Variants in CHAT observed in about 807,000 individuals in gnomAD.
CHAT encodes acetyl CoA:choline O-acetyltransferase.
CHAT carries 61 observed loss-of-function variants against 76.9 expected under a neutral mutation model. The ratio of observed to expected loss-of-function variants is 0.79; its 90% confidence interval spans 0.65 to 0.98. The LOEUF (loss-of-function observed/expected upper bound fraction) is 0.98, where lower values mean the gene tolerates loss of function less well. Ranked by LOEUF, CHAT falls within the 50% of genes least tolerant of loss-of-function variation. CHAT has a pLI of 0.00. For synonymous variants in CHAT, 407 were observed against 397.4 expected, an observed-to-expected ratio of 1.02 and a Z score of -0.29; for missense variants, 946 against 986.9, an observed-to-expected ratio of 0.96 and a Z score of 0.56.
chr10:49,664,951 A>T lies in CHAT; in HGVS notation c.2152A>T (p.Met718Leu). The T allele has an allele frequency of 4.3e-6, 7 of 1,614,244 alleles. No homozygotes were observed. The South Asian group carries it at 7.7e-5, about 18-fold the overall frequency. The stretch of plus-strand genomic sequence containing the variant: ...AGCTGTGGAAGAAAGCCTCATTGAC[A>T]TGAGAGACCTCTGCAGTCTGCTGCC... ...AKAVEESLID[M>L]RDLCSLLPPT... The change falls in exon 15 of 15, where the codon ATG becomes TTG. Residue 718 changes from methionine (M) to leucine (L), a missense_variant. By Grantham distance (15) the Met-to-Leu change is conservative. Coordinates refer to ENST00000337653, the MANE Select transcript of CHAT (RefSeq NM_020549.5).
chr10:49,640,036 T>C (rs1195527705), intron 7 of CHAT, among the ~76,000 whole-genome samples: 1 of 152,144 alleles, frequency 6.6e-6, no homozygotes, highest in African/African-American at 2.4e-5. Flanking sequence ...TTGGTTCTTC[T>C]TATATATTTT....
chr10:49,656,883 A>C (rs1165063780), intron 13 of CHAT, among the ~76,000 whole-genome samples: 1 of 150,834 alleles, frequency 6.6e-6, no homozygotes. Flanking sequence ...GAAGTCGTAA[A>C]CTCCTCCTCT....
At chr10:49,640,716 G>A (rs1454848881) in intron 7 of CHAT, among the ~76,000 whole-genome samples, 3 of 152,168 alleles carry the variant, frequency 2.0e-5, no homozygotes. Context: ...AGGGTGCTGG[G>A]GGAGGGAGGG....
intron 7 of CHAT, among the ~76,000 whole-genome samples, chr10:49,642,613 C>G (rs573554431): frequency 2.4e-4 from 36 of 152,388 alleles, no homozygotes; most frequent in African/African-American, 8.7e-4. Flanking sequence ...CCTCCACTCT[C>G]CTGCCTCGAG....
At chr10:49,656,617 T>C (rs1338953242) in intron 13 of CHAT, among the ~76,000 whole-genome samples, 1 of 152,184 alleles carries the variant, frequency 6.6e-6, no homozygotes, top group Non-Finnish European at 1.5e-5. Context: ...GGGCACCACG[T>C]GCAAAGACTG....
At chr10:49,635,989 T>G (rs1193692343) in intron 7 of CHAT, among the ~76,000 whole-genome samples, 1 of 152,174 alleles carries the variant, frequency 6.6e-6, no homozygotes, top group Non-Finnish European at 1.5e-5. Flanking sequence ...AAATGATCCC[T>G]ACTTTTATGA....
At chr10:49,628,398 G>T (rs1196546841) in intron 7 of CHAT, among the ~76,000 whole-genome samples, 1 of 152,238 alleles carries the variant, frequency 6.6e-6, no homozygotes, top group Non-Finnish European at 1.5e-5. Context: ...CCTTGCCCAT[G>T]TTAGAGACAC....
chr10:49,627,851 TCTAGGGTTGGG>T (rs1838980984), intron 7 of CHAT, 66 bp downstream of exon 7: 1 of 1,551,988 alleles, frequency 6.4e-7, no homozygotes, highest in African/African-American at 1.4e-5. Context: ...CTTTCCCTCC[TCTAGGGTTGGG>T]CCAGGGCCTC....
At chr10:49,661,316 C>G (rs1028235776) in intron 13 of CHAT, 1 of 152,102 alleles carries the variant, frequency 6.6e-6, no homozygotes, top group African/African-American at 2.4e-5. Flanking sequence ...CTTCTATGGA[C>G]CAACACAAAT....
In CHAT at chr10:49,652,139, T is replaced by C. The variant is rs960701892; in HGVS notation, c.1634+133T>C. The C allele has an allele frequency of 1.5e-5, 19 of 1,233,250 alleles. No homozygotes were observed. The African/African-American group carries it at 2.4e-4, about 15-fold the overall frequency. The allele number at this position is 1,233,250 out of a possible 1,614,324, so 76.4% of individuals were successfully genotyped here. On this transcript the variant is annotated intron_variant, in intron 11 of 14. Transcript: ENST00000337653. The stretch of plus-strand genomic sequence containing the variant: ...TGGAAGACTGGAGAGGGACTGAGGC[T>C]GCATGAAGGAGGAGCAGACTGAACT...
In CHAT at chr10:49,651,989, C is replaced by G. The variant is rs776084200; in HGVS notation, c.1617C>G (p.Leu539=). 1 of 1,614,232 alleles carries G rather than the reference C, an allele frequency of 6.2e-7. No homozygotes were observed. The highest frequency in any genetic ancestry group is 8.5e-7 in the Non-Finnish European group (1 of 1,180,054). ...CTGATGCCTTCATCCAGGTGGCCCT[C>G]CAGCTGGCCTTCTACAGGTGAGTGA... ...CSPDAFIQVA[L]QLAFYRLHRR... is the part of the protein sequence containing the mutation. Residue 539 remains leucine (L), a synonymous_variant, in exon 11 of 15, where the codon CTC becomes CTG. Coordinates refer to ENST00000337653, the MANE Select transcript of CHAT (RefSeq NM_020549.5).
chr10:49,650,300 T>C (rs10776586), intron 10 of CHAT, among the ~76,000 whole-genome samples: 57,760 of 152,106 alleles, frequency 0.38, 11,834 homozygotes, highest in Non-Finnish European at 0.47. Flanking sequence ...CCATGGGACC[T>C]GCACTCCATA....
chr10:49,652,698 C>T (rs4838546), intron 11 of CHAT, among the ~76,000 whole-genome samples: 57,516 of 152,104 alleles, frequency 0.38, 11,821 homozygotes, highest in South Asian at 0.48. Flanking sequence ...AACTTCCCAG[C>T]GCCTTCACAC....
intron 11 of CHAT, among the ~76,000 whole-genome samples, chr10:49,652,476 C>T (rs919757657): frequency 1.3e-5 from 2 of 152,252 alleles, no homozygotes; most frequent in Admixed American, 1.3e-4. Flanking sequence ...CTCGTATCCC[C>T]GCACACTGCC....
chr10:49,633,903 G>A (rs192736052), intron 7 of CHAT, among the ~76,000 whole-genome samples: 143 of 152,288 alleles, frequency 9.4e-4, no homozygotes, highest in Non-Finnish European at 3.4e-4. Flanking sequence ...GACAGAAGGC[G>A]GCTACAGCTG....
At chr10:49,614,890 T>C (rs1480882337) in intron 1 of CHAT, among the ~76,000 whole-genome samples, 1 of 152,188 alleles carries the variant, frequency 6.6e-6, no homozygotes, top group Non-Finnish European at 1.5e-5. Flanking sequence ...AGCCAGGACA[T>C]AGCCGATGAC....
Position 49,643,712 on chromosome 10 carries a change from C to G in CHAT, c.1112-2793C>G, listed in dbSNP as rs184994284. ...GGTTTTGCCCTTCATAAGGACATGG[C>G]CTTTCCCCTTCCCATTAGCCAGCTG... On this transcript the variant is annotated intron_variant, in intron 7 of 14. Coordinates refer to ENST00000337653, the MANE Select transcript of CHAT (RefSeq NM_020549.5). Among the ~76,000 whole-genome samples the G allele has an allele frequency of 2.0e-4, 30 of 152,360 alleles. No homozygotes were observed. The East Asian group carries it at 2.3e-3, about 12-fold the overall frequency.
intron 10 of CHAT, among the ~76,000 whole-genome samples, chr10:49,650,358 A>G (rs529473473): frequency 1.3e-5 from 2 of 152,300 alleles, no homozygotes; most frequent in South Asian, 2.1e-4. Flanking sequence ...TGATACAGTA[A>G]GATTAATGCC....
chr10:49,635,040 T>C (rs753431721), intron 7 of CHAT, among the ~76,000 whole-genome samples: 5 of 152,122 alleles, frequency 3.3e-5, no homozygotes, highest in Non-Finnish European at 7.4e-5. Flanking sequence ...TACGGAACAT[T>C]CCATCACCAC....
Sources: gnomAD v4.1 joint callset for allele counts (sites outside exome capture counted in the v4.1 genomes callset) on GRCh38, gnomAD v4.1.1 for gene constraint, MANE v1.5 for transcripts, NCBI Gene and HGNC (gene_info 2026-07-23, HGNC 2026-07-21) for gene names.